GPR137C: variants seen among roughly 807,000 people sequenced by gnomAD.
GPR137C encodes the protein G protein-coupled receptor 137C.
A neutral mutation model predicts 43.4 loss-of-function variants in GPR137C; 27 were observed. The observed-to-expected ratio is 0.62, with a 90% CI of 0.46 to 0.86. GPR137C has a LOEUF of 0.86. Ranked by LOEUF, GPR137C falls within the 40% of genes least tolerant of loss-of-function variation. The pLI is 0.00. For missense variants in GPR137C, 522 were observed against 534.6 expected, an observed-to-expected ratio of 0.98 and a Z score of 0.23; for synonymous variants, 285 against 226.9, an observed-to-expected ratio of 1.26 and a Z score of -2.30.
intron 2 of GPR137C, among the ~76,000 whole-genome samples, chr14:52,599,432 TC>T (rs2038896399): frequency 6.9e-6 from 1 of 145,020 alleles, no homozygotes. Flanking sequence ...AATTTTTTTT[TC>T]CTTTTTTTTT....
chr14:52,618,387 T>G (rs1175635170), intron 3 of GPR137C, among the ~76,000 whole-genome samples: 1 of 152,206 alleles, frequency 6.6e-6, no homozygotes, highest in Non-Finnish European at 1.5e-5. Flanking sequence ...TAACTTTTTG[T>G]CTATTGCTAA....
At chr14:52,585,016 A>G (rs1263121482) in intron 1 of GPR137C, among the ~76,000 whole-genome samples, 1 of 152,118 alleles carries the variant, frequency 6.6e-6, no homozygotes, top group Non-Finnish European at 1.5e-5. Context: ...ATATTCTTTT[A>G]TAACCTTTCT....
intron 3 of GPR137C, chr14:52,612,536 C>A: frequency 1.0e-6 from 1 of 979,886 alleles, no homozygotes; most frequent in Non-Finnish European, 1.2e-6. Flanking sequence ...AGAGCACTCA[C>A]GTATCTTTTA....
At chr14:52,609,982 A>G (rs933310131) in intron 3 of GPR137C, among the ~76,000 whole-genome samples, 2 of 152,080 alleles carry the variant, frequency 1.3e-5, no homozygotes, top group South Asian at 2.1e-4. Context: ...CAAAACATAC[A>G]CTAAGTTTAT....
chr14:52,597,112 T>G (rs1594796521), intron 1 of GPR137C: 1 of 386,690 alleles, frequency 2.6e-6, no homozygotes, highest in Non-Finnish European at 5.3e-6. Context: ...TAACACCAAT[T>G]TACTCTTCAT....
At chr14:52,632,460 T>G (rs1156825576) in intron 4 of GPR137C, among the ~76,000 whole-genome samples, 151 bp downstream of exon 4, 1 of 152,126 alleles carries the variant, frequency 6.6e-6, no homozygotes, top group East Asian at 1.9e-4. Context: ...TTTAAAAATC[T>G]TTATGTACGT....
intron 1 of GPR137C, among the ~76,000 whole-genome samples, chr14:52,568,612 G>A (rs746058447): frequency 1.1e-4 from 16 of 152,166 alleles, no homozygotes; most frequent in Non-Finnish European, 1.9e-4. Context: ...GGTGGGGGGA[G>A]GGGGCATCCG....
chr14:52,571,146 G>A (rs148948904), intron 1 of GPR137C, among the ~76,000 whole-genome samples: 2,489 of 152,158 alleles, frequency 0.016, 65 homozygotes, highest in African/African-American at 0.056. Context: ...CACTCAGACC[G>A]CAGTGCAATC....
At chr14:52,631,248 C>G (rs912000560) in intron 3 of GPR137C, among the ~76,000 whole-genome samples, 23 of 152,122 alleles carry the variant, frequency 1.5e-4, no homozygotes, top group East Asian at 1.9e-4. Flanking sequence ...GGCCAGAGGA[C>G]AGTTAGCTTA....
chr14:52,629,877 G>A (rs552956478), intron 3 of GPR137C, among the ~76,000 whole-genome samples: 73 of 152,234 alleles, frequency 4.8e-4, no homozygotes, highest in Non-Finnish European at 7.1e-4. Context: ...GAGGTGTTTA[G>A]GAGTGAGGTG....
At chr14:52,607,364 C>A (rs1025394252) in intron 3 of GPR137C, among the ~76,000 whole-genome samples, 4 of 152,134 alleles carry the variant, frequency 2.6e-5, no homozygotes, top group African/African-American at 9.7e-5. Flanking sequence ...CCTGGATGAT[C>A]TGTCCGTTGC....
chr14:52,557,033 C>T (rs1012937612), intron 1 of GPR137C, among the ~76,000 whole-genome samples: 5 of 152,148 alleles, frequency 3.3e-5, no homozygotes, highest in African/African-American at 1.2e-4. Flanking sequence ...TAGATATATT[C>T]TTATATTGGT....
Position 52,553,257 on chromosome 14 carries a change from C to G in GPR137C, c.110C>G (p.Ser37Ter), listed in dbSNP as rs1439597279. The G allele has an allele frequency of 7.2e-7, 1 of 1,388,662 alleles. No homozygotes were observed. The highest frequency in any genetic ancestry group is 9.4e-7 in the Non-Finnish European group (1 of 1,068,236). The allele number at this position is 1,388,662 out of a possible 1,614,324, so 86.0% of individuals were successfully genotyped here. The change falls in exon 1 of 7, where the codon TCA becomes TGA. Residue 37 changes from serine to a stop codon, truncating the protein, a stop_gained. Transcript: ENST00000321662. LOFTEE classifies it high-confidence loss of function. ...GGCGGAGGCGCCGTCGCTGCAGCCT[C>G]AGGCGCCGCGGTGCCGGGCTCCGTG... ...SGGGGAVAAA[S>*]GAAVPGSVQL... is the part of the protein sequence containing the mutation.
intron 1 of GPR137C, among the ~76,000 whole-genome samples, chr14:52,556,742 A>G (rs1172750278): frequency 2.0e-5 from 3 of 152,066 alleles, no homozygotes; most frequent in Non-Finnish European, 2.9e-5. Context: ...GCATCACACA[A>G]TATATCCATG....
chr14:52,562,143 T>G (rs1248418062), intron 1 of GPR137C, among the ~76,000 whole-genome samples: 3 of 151,574 alleles, frequency 2.0e-5, no homozygotes, highest in African/African-American at 7.3e-5. Flanking sequence ...CCAAAGGAGA[T>G]GAATCTTAAG....
At chr14:52,567,112 GA>G (rs1270440760) in intron 1 of GPR137C, among the ~76,000 whole-genome samples, 6 of 151,602 alleles carry the variant, frequency 4.0e-5, no homozygotes, top group Non-Finnish European at 7.4e-5. Context: ...GACACCGTCT[GA>G]AAAAAAAGAA....
At chr14:52,623,974 T>C (rs2039191035) in intron 3 of GPR137C, among the ~76,000 whole-genome samples, 1 of 152,030 alleles carries the variant, frequency 6.6e-6, no homozygotes, top group South Asian at 2.1e-4. Flanking sequence ...CATCCCATAC[T>C]GAAATTCTGT....
At chr14:52,557,053 AATAAC>A (rs2038205953) in intron 1 of GPR137C, among the ~76,000 whole-genome samples, 1 of 152,182 alleles carries the variant, frequency 6.6e-6, no homozygotes, top group South Asian at 2.1e-4. Flanking sequence ...TAATACTTCA[AATAAC>A]ATGCAAGTCA....
chr14:52,620,087 T>C (rs1374881628), intron 3 of GPR137C, among the ~76,000 whole-genome samples: 1 of 152,070 alleles, frequency 6.6e-6, no homozygotes, highest in Non-Finnish European at 1.5e-5. Context: ...AAAATGACAC[T>C]GAGTGAGTTT....
Sources: gnomAD v4.1 joint callset for allele counts (sites outside exome capture counted in the v4.1 genomes callset) on GRCh38, gnomAD v4.1.1 for gene constraint, MANE v1.5 for transcripts, NCBI Gene and HGNC (gene_info 2026-07-23, HGNC 2026-07-21) for gene names.